The following ARSB variants were observed in gnomAD, a reference collection of about 807,000 sequenced individuals.
The protein encoded by ARSB is N-acetylgalactosamine-4-sulfatase.
In ARSB, 41 loss-of-function variants were observed where a neutral mutation model predicts 50.9. The observed-to-expected ratio is 0.81, with a 90% CI of 0.63 to 1.04. The LOEUF is 1.04. Ranked by LOEUF, ARSB falls within the 50% of genes least tolerant of loss-of-function variation. ARSB has a pLI of 0.00. For synonymous variants in ARSB, 269 were observed against 284.8 expected, an observed-to-expected ratio of 0.94 and a Z score of 0.56; for missense variants, 672 against 693.3, an observed-to-expected ratio of 0.97 and a Z score of 0.35.
intron 4 of ARSB, among the ~76,000 whole-genome samples, chr5:78,917,068 G>A (rs1363904029): frequency 3.3e-5 from 5 of 152,194 alleles, no homozygotes; most frequent in Non-Finnish European, 7.3e-5. Flanking sequence ...AAAAGGGAGA[G>A]GGTGCAGAAG....
At chr5:78,860,286 G>C (rs1336937519) in intron 5 of ARSB, among the ~76,000 whole-genome samples, 1 of 152,168 alleles carries the variant, frequency 6.6e-6, no homozygotes, top group Non-Finnish European at 1.5e-5. Flanking sequence ...CTAAGGACTT[G>C]CTTTATGAAT....
chr5:78,850,122 G>A (rs1745686584), intron 5 of ARSB, among the ~76,000 whole-genome samples: 1 of 151,898 alleles, frequency 6.6e-6, no homozygotes, highest in Non-Finnish European at 1.5e-5. Flanking sequence ...GTGAGAGAGG[G>A]CATCCCTGTC....
At chr5:78,787,473 G>T (rs12109559) in intron 6 of ARSB, among the ~76,000 whole-genome samples, 24,141 of 152,122 alleles carry the variant, frequency 0.16, 3,715 homozygotes, top group African/African-American at 0.39. Flanking sequence ...TTAAAATTTC[G>T]TTGACAGAGT....
intron 4 of ARSB, among the ~76,000 whole-genome samples, chr5:78,887,184 C>T (rs1748076104): frequency 6.6e-6 from 1 of 152,152 alleles, no homozygotes; most frequent in South Asian, 2.1e-4. Context: ...ATTCTGATGA[C>T]TGATAAGTCC....
chr5:78,974,254 T>C (rs1046817189), intron 1 of ARSB, among the ~76,000 whole-genome samples: 5 of 152,222 alleles, frequency 3.3e-5, no homozygotes, highest in South Asian at 4.1e-4. Flanking sequence ...GGCCTGGCTT[T>C]GCCATCTGGC....
chr5:78,827,009 G>A (rs1346704514), intron 6 of ARSB, among the ~76,000 whole-genome samples: 1 of 151,954 alleles, frequency 6.6e-6, no homozygotes, highest in Non-Finnish European at 1.5e-5. Context: ...ATCCTAATAG[G>A]GGCACAGCCA....
intron 4 of ARSB, among the ~76,000 whole-genome samples, chr5:78,912,869 TAAAGCAGCTTTGCTGAAAGAA>T (rs1749369450): frequency 6.6e-6 from 1 of 152,188 alleles, no homozygotes; most frequent in African/African-American, 2.4e-5. Context: ...AAATTATTTT[TAAAGCAGCTTTGCTGAAAGAA>T]TATTCAAGGC....
intron 5 of ARSB, chr5:78,882,859 C>T (rs76819743): frequency 7.2e-6 from 1 of 139,750 alleles, no homozygotes; most frequent in East Asian, 2.2e-4. Flanking sequence ...TGTTGGCTCA[C>T]TGCAACCTCC....
chr5:78,834,611 A>G (rs78949313), intron 6 of ARSB, among the ~76,000 whole-genome samples: 5,659 of 68,194 alleles, frequency 0.083, 238 homozygotes, highest in Non-Finnish European at 0.11. Context: ...ATATGTGTAT[A>G]TATATATATA....
intron 4 of ARSB, among the ~76,000 whole-genome samples, chr5:78,950,998 G>A (rs978375419): frequency 1.3e-5 from 2 of 152,206 alleles, no homozygotes; most frequent in African/African-American, 4.8e-5. Context: ...GATGCAAAAA[G>A]ACAACTGATT....
intron 6 of ARSB, among the ~76,000 whole-genome samples, chr5:78,802,822 T>C (rs1238306866): frequency 2.6e-5 from 4 of 152,156 alleles, no homozygotes; most frequent in Non-Finnish European, 4.4e-5. Flanking sequence ...ATACTAAAAA[T>C]GTTAGAATTG....
intron 1 of ARSB, among the ~76,000 whole-genome samples, chr5:78,977,154 T>C (rs1580156750): frequency 6.9e-6 from 1 of 143,934 alleles, no homozygotes; most frequent in South Asian, 2.1e-4. Flanking sequence ...TTTCTTTCTT[T>C]CCCCACTTCC....
chr5:78,822,516 C>T (rs961931238), intron 6 of ARSB, among the ~76,000 whole-genome samples: 5 of 152,008 alleles, frequency 3.3e-5, no homozygotes, highest in Admixed American at 2.0e-4. Flanking sequence ...AATTTAGTTG[C>T]AAAAGTAATA....
intron 6 of ARSB, among the ~76,000 whole-genome samples, chr5:78,827,862 A>ATT (rs750342005): frequency 2.6e-3 from 370 of 144,600 alleles, no homozygotes; most frequent in Non-Finnish European, 3.9e-3. Context: ...ACAATTTCTG[A>ATT]TTTTTTTTTT....
intron 4 of ARSB, among the ~76,000 whole-genome samples, chr5:78,949,646 A>C (rs1306147835): frequency 1.3e-5 from 2 of 152,244 alleles, no homozygotes; most frequent in Non-Finnish European, 2.9e-5. Context: ...GTGGTGGCTC[A>C]TGACTGTAAT....
intron 4 of ARSB, among the ~76,000 whole-genome samples, chr5:78,899,096 C>CT (rs1461365245): frequency 1.3e-5 from 2 of 152,030 alleles, no homozygotes; most frequent in Non-Finnish European, 2.9e-5. Context: ...GGATGGCAGG[C>CT]TTTTTTTGTC....
At chr5:78,861,690 T>G (rs929788826) in intron 5 of ARSB, among the ~76,000 whole-genome samples, 2 of 152,194 alleles carry the variant, frequency 1.3e-5, no homozygotes, top group Non-Finnish European at 2.9e-5. Context: ...GCATTCCCTT[T>G]GAAAACTGGC....
At chr5:78,862,299 G>A (rs115123483) in intron 5 of ARSB, among the ~76,000 whole-genome samples, 3,853 of 152,118 alleles carry the variant, frequency 0.025, 115 homozygotes, top group South Asian at 0.11. Context: ...AAAAGCCCGC[G>A]TTGCCAAGAC....
chr5:78,951,947 T>G (rs190200230), intron 4 of ARSB, among the ~76,000 whole-genome samples: 1 of 152,284 alleles, frequency 6.6e-6, no homozygotes, highest in Admixed American at 6.5e-5. Context: ...CTACTTCCAC[T>G]TCTGAATTGA....
Sources: gnomAD v4.1 joint callset for allele counts (sites outside exome capture counted in the v4.1 genomes callset) on GRCh38, gnomAD v4.1.1 for gene constraint, MANE v1.5 for transcripts, NCBI Gene and HGNC (gene_info 2026-07-23, HGNC 2026-07-21) for gene names.